Variants in ZEB1 observed in about 807,000 individuals in gnomAD.
The protein encoded by ZEB1 is zinc finger E-box binding homeobox 1.
A neutral mutation model predicts 84.9 loss-of-function variants in ZEB1; 21 were observed. The ratio of observed to expected loss-of-function variants is 0.25; its 90% confidence interval spans 0.18 to 0.36. The LOEUF is 0.36. Ranked by LOEUF, ZEB1 falls within the 10% of genes least tolerant of loss-of-function variation. The pLI is 1.00. For synonymous variants in ZEB1, 420 were observed against 471.1 expected (o/e 0.89, Z 1.41); for missense variants, 1,104 against 1,330.2 (o/e 0.83, Z 2.65).
At chr10:31,359,912 C>T (rs1296701453) in intron 1 of ZEB1, among the ~76,000 whole-genome samples, 2 of 152,114 alleles carry the variant, frequency 1.3e-5, no homozygotes, top group Non-Finnish European at 2.9e-5. Context: ...TGCCTCAGGG[C>T]TACTGAGGTA....
intron 1 of ZEB1, among the ~76,000 whole-genome samples, chr10:31,435,775 A>T (rs994061439): frequency 6.6e-6 from 1 of 152,250 alleles, no homozygotes; most frequent in African/African-American, 2.4e-5. Flanking sequence ...ATGGAAAGCC[A>T]TTGAAAGGTT....
intron 4 of ZEB1, among the ~76,000 whole-genome samples, chr10:31,503,390 C>G (rs991707275): frequency 6.6e-6 from 1 of 152,018 alleles, no homozygotes; most frequent in East Asian, 1.9e-4. Flanking sequence ...TCTGTCATAT[C>G]AGCGACATTT....
chr10:31,319,912 C>T (rs2033342325), intron 1 of ZEB1: 1 of 130,796 alleles, frequency 7.6e-6, no homozygotes, highest in Non-Finnish European at 1.6e-5. Flanking sequence ...GGCGGCGGGA[C>T]GGGGCGGCCG....
intron 4 of ZEB1, among the ~76,000 whole-genome samples, chr10:31,508,275 G>T (rs1219141912): frequency 6.6e-6 from 1 of 152,136 alleles, no homozygotes; most frequent in African/African-American, 2.4e-5. Context: ...AACTCCAGGT[G>T]GCTTGCTTGG....
At chr10:31,469,645 C>T (rs556770276) in intron 2 of ZEB1, among the ~76,000 whole-genome samples, 51 of 152,350 alleles carry the variant, frequency 3.3e-4, no homozygotes, top group African/African-American at 8.7e-4. Context: ...GAGGGGCGCC[C>T]GCCATTGCCC....
chr10:31,465,174 ATGTCT>A (rs1185262407), intron 2 of ZEB1, among the ~76,000 whole-genome samples: 2 of 152,168 alleles, frequency 1.3e-5, no homozygotes, highest in Admixed American at 6.5e-5. Context: ...TGTTGTGTAA[ATGTCT>A]TGTAACTCTA....
At chr10:31,516,589 G>C (rs1304343787) in intron 6 of ZEB1, among the ~76,000 whole-genome samples, 1 of 100,690 alleles carries the variant, frequency 9.9e-6, no homozygotes, top group Non-Finnish European at 1.9e-5. Flanking sequence ...TCAGTTGCTA[G>C]AAAAAGGACT....
intron 4 of ZEB1, among the ~76,000 whole-genome samples, chr10:31,504,567 T>G (rs1464890130): frequency 3.3e-5 from 5 of 152,172 alleles, no homozygotes; most frequent in Non-Finnish European, 7.4e-5. Context: ...TTAATGATGT[T>G]AATTCTTCTG....
chr10:31,473,332 C>G lies in ZEB1; in HGVS notation c.259+12095C>G, dbSNP rs1414553250. 3.1e-3 allele frequency among the ~76,000 whole-genome samples: 469 copies of G among 149,302 alleles called. 2 individuals carry two copies. Among genetic ancestry groups the G allele is most frequent in the African/African-American group, 0.011 (440 of 40,764 alleles). ...ACCCCATTGTCTCAGCCCAAAATCT[C>G]CTTAAGCTGATAAGCAACTTCAGCA... On this transcript the variant is annotated intron_variant, in intron 2 of 8. Coordinates refer to ENST00000424869, the MANE Select transcript of ZEB1 (RefSeq NM_001174096.2).
chr10:31,412,728 AT>A (rs1315633973), intron 1 of ZEB1, among the ~76,000 whole-genome samples: 3 of 151,976 alleles, frequency 2.0e-5, no homozygotes, highest in Non-Finnish European at 4.4e-5. Flanking sequence ...TTGGTTTTTT[AT>A]TTCCTTGGTT....
chr10:31,520,333 A>C lies in ZEB1; in HGVS notation c.1001A>C (p.Glu334Ala). The C allele has an allele frequency of 6.2e-7, 1 of 1,613,952 alleles. No homozygotes were observed. The highest frequency in any genetic ancestry group is 1.3e-5 in the African/African-American group (1 of 75,028). The change falls in exon 7 of 9, where the codon GAG becomes GCG. Residue 334 changes from glutamate to alanine, a missense_variant. By Grantham distance (107) the Glu-to-Ala change is moderately radical. Coordinates refer to ENST00000424869, the MANE Select transcript of ZEB1 (RefSeq NM_001174096.2). The surrounding 1 kb of genome is among the most constrained non-coding windows in gnomAD (Gnocchi z 5.1). The stretch of plus-strand genomic sequence containing the variant: ...CGACCACAGATACGGCAAAAGATAG[A>C]GAATAAACCCCTTCAAGAACAACTT... ...PTRPQIRQKI[E>A]NKPLQEQLSV...
At chr10:31,469,007 T>G (rs1490502301) in intron 2 of ZEB1, among the ~76,000 whole-genome samples, 1 of 152,022 alleles carries the variant, frequency 6.6e-6, no homozygotes, top group East Asian at 1.9e-4. Flanking sequence ...CAAGAGAAAG[T>G]TGAAAACCAA....
At chr10:31,379,902 T>C (rs2047333349) in intron 1 of ZEB1, among the ~76,000 whole-genome samples, 1 of 152,190 alleles carries the variant, frequency 6.6e-6, no homozygotes, top group South Asian at 2.1e-4. Flanking sequence ...CTGCATTCTT[T>C]CATATGCATT....
intron 1 of ZEB1, among the ~76,000 whole-genome samples, chr10:31,447,460 A>G (rs1391402230): frequency 1.6e-5 from 2 of 126,144 alleles, no homozygotes; most frequent in African/African-American, 6.2e-5. Flanking sequence ...TGTCATTATG[A>G]TGTTAGCAGG....
intron 1 of ZEB1, among the ~76,000 whole-genome samples, chr10:31,446,360 C>G (rs952190627): frequency 6.6e-6 from 1 of 152,024 alleles, no homozygotes; most frequent in Admixed American, 6.6e-5. Flanking sequence ...TTTCAAAAAA[C>G]CAGCTCCTGG....
intron 1 of ZEB1, among the ~76,000 whole-genome samples, chr10:31,351,846 C>A (rs2041364511): frequency 6.6e-6 from 1 of 152,098 alleles, no homozygotes; most frequent in Non-Finnish European, 1.5e-5. Context: ...GTAATCCAGA[C>A]TTCTGTCAAC....
At chr10:31,444,507 G>T (rs1460191776) in intron 1 of ZEB1, among the ~76,000 whole-genome samples, 2 of 151,342 alleles carry the variant, frequency 1.3e-5, no homozygotes, top group African/African-American at 4.8e-5. Context: ...GTCCTGAATG[G>T]TAATGCCTAG....
intron 1 of ZEB1, among the ~76,000 whole-genome samples, chr10:31,450,910 CTG>C (rs112499722): frequency 4.1e-4 from 60 of 146,514 alleles, no homozygotes; most frequent in South Asian, 1.1e-3. Flanking sequence ...GCATGTGTGC[CTG>C]TGTGTGTGTG....
intron 2 of ZEB1, among the ~76,000 whole-genome samples, chr10:31,481,122 C>A (rs943383234): frequency 3.3e-5 from 5 of 151,854 alleles, no homozygotes; most frequent in African/African-American, 1.2e-4. Context: ...TGGGATATAA[C>A]AAGTAAGTAA....
Sources: gnomAD v4.1 joint callset for allele counts (sites outside exome capture counted in the v4.1 genomes callset) on GRCh38, gnomAD v4.1.1 for gene constraint, Gnocchi (gnomAD v3.1) non-coding constraint, MANE v1.5 for transcripts, NCBI Gene and HGNC (gene_info 2026-07-23, HGNC 2026-07-21) for gene names.